AMELY: variants seen among roughly 807,000 people sequenced by gnomAD.
AMELY encodes amelogenin Y-linked, also known as amelogenin, Y isoform.
Under a neutral mutation model 4.2 loss-of-function variants are expected in AMELY, and 4 were observed. The observed-to-expected ratio is 0.96, with a 90% CI of 0.47 to 2.19. AMELY has a LOEUF of 2.19. Among genes scored for constraint, AMELY ranks in the 30% most tolerant of loss-of-function variants. The probability of loss-of-function intolerance (pLI) is 0.02; values close to 1 mark genes in which losing one functional copy is unlikely to be tolerated. For synonymous variants in AMELY, 11 were observed against 14.7 expected, an observed-to-expected ratio of 0.75 and a Z score of 0.57; for missense variants, 32 against 41.5, an observed-to-expected ratio of 0.77 and a Z score of 0.63.
At chrY:6,869,676 G>A (rs910499321) in intron 4 of AMELY, among the ~76,000 whole-genome samples, 1 of 33,598 alleles carries the variant, frequency 3.0e-5, no homozygotes, top group South Asian at 6.6e-4. Flanking sequence ...ACATTTTACC[G>A]GATGGGATAG....
At chrY:6,908,665 C>T (rs779039662) in intron 1 of AMELY, among the ~76,000 whole-genome samples, 5 of 32,413 alleles carry the variant, frequency 1.5e-4, no homozygotes, top group Middle Eastern at 0.014. Flanking sequence ...AATGCACTAG[C>T]TCCTTCCAAC....
Position 6,885,650 on chromosome Y carries a change from G to C in AMELY, c.-112-11579C>G, listed in dbSNP as rs769500497. The stretch of plus-strand genomic sequence containing the variant: ...GTAGATGCCCACTGATGGCAGATTG[G>C]ATAAAGAATATGTGATGTATATATA... On this transcript the variant is annotated intron_variant, in intron 1 of 6. Coordinates refer to ENST00000651267, the MANE Select transcript of AMELY (RefSeq NM_001143.2). Among the ~76,000 whole-genome samples the C allele has an allele frequency of 8.8e-5, 3 of 34,121 alleles. No homozygotes were observed. In the South Asian group the frequency reaches 1.9e-3, roughly 22 times the overall value. 91.5% of individuals were successfully genotyped at this position (34,121 alleles called of 37,273 possible).
At chrY:6,885,404 G>T (rs2054079318) in intron 1 of AMELY, among the ~76,000 whole-genome samples, 1 of 34,237 alleles carries the variant, frequency 2.9e-5, no homozygotes, top group Non-Finnish European at 7.3e-5. Flanking sequence ...GAGCCCAGGA[G>T]GCAGAGCTTG....
intron 3 of AMELY, 128 bp downstream of exon 3, chrY:6,872,427 C>T: frequency 5.3e-6 from 1 of 189,107 alleles, no homozygotes; most frequent in Non-Finnish European, 9.1e-6. Context: ...AGTGTTTCTT[C>T]AGCACAGATG....
intron 1 of AMELY, among the ~76,000 whole-genome samples, chrY:6,885,432 G>GCACA (rs2054079461): frequency 2.9e-5 from 1 of 34,215 alleles, no homozygotes; most frequent in Admixed American, 2.6e-4. Context: ...CCAAAATTGT[G>GCACA]CCACTGCACT....
chrY:6,902,618 T>G, intron 1 of AMELY, among the ~76,000 whole-genome samples: 1 of 32,163 alleles, frequency 3.1e-5, no homozygotes, highest in Middle Eastern at 0.014. Context: ...TGGCCTGATC[T>G]TGGCTCATTT....
At chrY:6,869,555 C>T (rs2054065816) in intron 4 of AMELY, among the ~76,000 whole-genome samples, 1 of 33,454 alleles carries the variant, frequency 3.0e-5, no homozygotes, top group East Asian at 7.8e-4. Context: ...TATTATTCTC[C>T]AATATTTTGA....
intron 1 of AMELY, among the ~76,000 whole-genome samples, chrY:6,907,524 GTTTTGTT>G (rs2011667912): frequency 6.3e-5 from 2 of 31,701 alleles, no homozygotes; most frequent in Non-Finnish European, 7.6e-5. Context: ...TATGTCTAGA[GTTTTGTT>G]TTTTGTTTTT....
At chrY:6,868,500 A>C in intron 5 of AMELY, 38 bp from the exon 6 acceptor site, 1 of 388,136 alleles carries the variant, frequency 2.6e-6, no homozygotes, top group Non-Finnish European at 3.6e-6. Flanking sequence ...CCATTGGCTC[A>C]CGTGACTCCA....
At chrY:6,884,516 C>T in intron 1 of AMELY, among the ~76,000 whole-genome samples, 1 of 32,701 alleles carries the variant, frequency 3.1e-5, no homozygotes, top group Non-Finnish European at 7.5e-5. Context: ...AAACATCCCA[C>T]TTAAAAAGCA....
At chrY:6,897,959 ATTT>A (rs2054087129) in intron 1 of AMELY, among the ~76,000 whole-genome samples, 1 of 31,281 alleles carries the variant, frequency 3.2e-5, no homozygotes, top group South Asian at 7.7e-4. Context: ...TAATTTTTGT[ATTT>A]TTAGTAGAGA....
At chrY:6,907,215 AAAAC>A (rs2011666274) in intron 1 of AMELY, among the ~76,000 whole-genome samples, 3 of 32,639 alleles carry the variant, frequency 9.2e-5, no homozygotes, top group Non-Finnish European at 1.5e-4. Flanking sequence ...AATAGAAAAC[AAAAC>A]AAACAAACAA....
At chrY:6,875,082 G>A (rs991084871) in intron 1 of AMELY, among the ~76,000 whole-genome samples, 26 of 33,196 alleles carry the variant, frequency 7.8e-4, no homozygotes, top group Non-Finnish European at 3.7e-4. Context: ...CCATATACAT[G>A]AGCCAAATTT....
intron 1 of AMELY, among the ~76,000 whole-genome samples, chrY:6,890,303 C>A: frequency 3.1e-5 from 1 of 32,662 alleles, no homozygotes; most frequent in Admixed American, 2.9e-4. Context: ...GTTCCATATA[C>A]CTTGGGGTTG....
intron 3 of AMELY, among the ~76,000 whole-genome samples, chrY:6,871,726 G>A (rs2054067715): frequency 3.1e-5 from 1 of 31,986 alleles, no homozygotes; most frequent in Admixed American, 2.9e-4. Context: ...TTGGGAGGCC[G>A]AGGCGGGTGG....
intron 1 of AMELY, among the ~76,000 whole-genome samples, chrY:6,885,284 C>CCCGG (rs2054078717): frequency 7.2e-4 from 24 of 33,463 alleles, no homozygotes; most frequent in African/African-American, 2.5e-3. Flanking sequence ...TCGAGACCAT[C>CCCGG]CTAACACAGT....
At chrY:6,890,633 T>A in intron 1 of AMELY, among the ~76,000 whole-genome samples, 1 of 34,342 alleles carries the variant, frequency 2.9e-5, no homozygotes, top group African/African-American at 1.1e-4. Context: ...AAACATTTAA[T>A]ATCCTCAGAA....
chrY:6,905,023 T>G, intron 1 of AMELY, among the ~76,000 whole-genome samples: 2 of 33,584 alleles, frequency 6.0e-5, no homozygotes, highest in Non-Finnish European at 1.5e-4. Flanking sequence ...GAAACCTTAA[T>G]CACCATTGGA....
At chrY:6,896,798 C>T in intron 1 of AMELY, among the ~76,000 whole-genome samples, 2 of 32,925 alleles carry the variant, frequency 6.1e-5, no homozygotes, top group Non-Finnish European at 1.5e-4. Context: ...GCCAGAGCAA[C>T]CCAAGAGAAA....
Sources: allele counts gnomAD v4.1 joint callset (sites outside exome capture counted in the v4.1 genomes callset), GRCh38; gene constraint gnomAD v4.1.1; transcripts MANE v1.5; gene names NCBI Gene and HGNC (gene_info 2026-07-23, HGNC 2026-07-21).